Variants in TNNT1 observed in about 807,000 individuals in gnomAD.
The protein encoded by TNNT1 is troponin T1, slow skeletal type.
TNNT1 carries 53 observed loss-of-function variants against 50.6 expected under a neutral mutation model. That is an observed-to-expected ratio of 1.05 (90% CI 0.84 to 1.32). The LOEUF (loss-of-function observed/expected upper bound fraction) is 1.32. Among genes scored for constraint, TNNT1 ranks in the 40% most tolerant of loss-of-function variants. The pLI is 0.00. For missense variants in TNNT1, 348 were observed against 381.7 expected, an observed-to-expected ratio of 0.91 and a Z score of 0.74; for synonymous variants, 142 against 138.0, an observed-to-expected ratio of 1.03 and a Z score of -0.20.
intron 13 of TNNT1, 45 bp downstream of exon 13, chr19:55,133,842 G>C (rs374434556): frequency 3.7e-6 from 6 of 1,612,198 alleles, no homozygotes; most frequent in African/African-American, 1.3e-5. Flanking sequence ...GAGAGTCAGC[G>C]GGAGGGTAGG....
chr19:55,137,909 C>A, intron 10 of TNNT1, 52 bp downstream of exon 10: 1 of 1,609,888 alleles, frequency 6.2e-7, no homozygotes, highest in Non-Finnish European at 8.5e-7. Flanking sequence ...GTCTGGCCCC[C>A]AGCCCCTGCC....
At chr19:55,143,754 A>T (rs962974931) in intron 6 of TNNT1, among the ~76,000 whole-genome samples, 36 of 151,644 alleles carry the variant, frequency 2.4e-4, no homozygotes, top group Admixed American at 2.2e-3. Flanking sequence ...CATCAATGCC[A>T]TTCACTCCAA....
chr19:55,133,067 C>T, intron 13 of TNNT1, 107 bp from the exon 14 acceptor site: 1 of 1,035,858 alleles, frequency 9.7e-7, no homozygotes, highest in Non-Finnish European at 1.5e-6. Context: ...TTAGCCCTCC[C>T]TGCCCAGAGG....
intron 3 of TNNT1, 49 bp from the exon 4 acceptor site, chr19:55,146,756 TG>T (rs1457802265): frequency 6.4e-6 from 9 of 1,412,304 alleles, no homozygotes; most frequent in Admixed American, 2.7e-5. Context: ...GGGGGAGGGA[TG>T]GGGGCGGTGG....
In TNNT1 at chr19:55,145,547, G is replaced by C. The variant is rs146337437; in HGVS notation, c.125C>G (p.Pro42Arg). 3.1e-6 allele frequency: 5 copies of C among 1,613,310 alleles called. No individual in the cohort carries two copies. The African/African-American group carries it at 6.7e-5, about 22-fold the overall frequency. ...CCCCCACCCTGTAGGATCTCACCTT[G>C]GTTTGGGGCGTTCCTCTTCTGTTGG... is the stretch of plus-strand genomic sequence containing the variant. The part of the protein sequence containing the change: ...VAEPEEERPK[P>R]SRPVVPPLIP... Residue 42 changes from proline to arginine, a missense_variant, in exon 6 of 14, where the codon CCA (proline) becomes CGA (arginine). Transcript: ENST00000588981.
Position 55,137,104 on chromosome 19 carries a change from G to A in TNNT1, c.610C>T (p.Arg204Trp), listed in dbSNP as rs139208059. 18 of 766,814 alleles carry A rather than the reference G, an allele frequency of 2.3e-5. No individual in the cohort carries two copies. The highest frequency in any genetic ancestry group is 1.6e-4 in the South Asian group (11 of 69,014). 47.5% of individuals were successfully genotyped at this position (766,814 alleles called of 1,614,324 possible). ...DIDYMGEEQLRARSAWLPPSQ... is the reference protein window; with the variant it reads ...DIDYMGEEQLWARSAWLPPSQ... ...CCCCGAGCCCCCCACAGCACCTACC[G>A]GAGCTGTTCCTCCCCCATGTAGTCA... The change falls in exon 11 of 14, where the codon CGG becomes TGG. Residue 204 changes from arginine (R) to tryptophan (W), a missense_variant and splice_region_variant. Arg to Trp is a moderately radical substitution (Grantham distance 101, BLOSUM62 -3). Transcript: ENST00000588981.
chr19:55,139,511 C>T (rs1290003253), intron 9 of TNNT1, among the ~76,000 whole-genome samples: 2 of 152,146 alleles, frequency 1.3e-5, no homozygotes, highest in Non-Finnish European at 2.9e-5. Flanking sequence ...GGCCCATGGA[C>T]CTTCTTTCAT....
At chr19:55,146,343 A>G in intron 5 of TNNT1, 91 bp downstream of exon 5, 2 of 862,732 alleles carry the variant, frequency 2.3e-6, no homozygotes, top group South Asian at 3.0e-5. Flanking sequence ...GGAGGGAGGG[A>G]AGGGTGGTCT....
At position 55,141,923 on chromosome 19, in the gene TNNT1, G is replaced by A. The variant is rs113010159; in HGVS notation, c.129-3C>T. The stretch of plus-strand genomic sequence containing the variant: ...TCAAAGGAGGCACCACGGGGCGGCT[G>A]AGTGGACAGAAACACAGAGACCATG... On this transcript the variant is annotated splice_polypyrimidine_tract_variant and splice_region_variant and intron_variant, in intron 6 of 13. Transcript: ENST00000588981. 11 of 1,613,886 alleles carry A rather than the reference G, an allele frequency of 6.8e-6. No individual in the cohort carries two copies. Among genetic ancestry groups the A allele is most frequent in the African/African-American group, 1.3e-5 (1 of 74,902 alleles).
intron 8 of TNNT1, 106 bp from the exon 9 acceptor site, chr19:55,141,066 T>C: frequency 6.6e-7 from 1 of 1,509,358 alleles, no homozygotes; most frequent in Non-Finnish European, 9.2e-7. Context: ...CTTGGGTGAA[T>C]TCGCGAAAGC....
Position 55,138,047 on chromosome 19 carries a change from C to A in TNNT1, c.415G>T (p.Glu139Ter), listed in dbSNP as rs1250741190. The change falls in exon 10 of 14, where the codon GAG (glutamate) becomes TAG (stop). Residue 139 changes from glutamate (E) to a stop codon, truncating the protein, a stop_gained. Transcript: ENST00000588981. LOFTEE classifies it high-confidence loss of function. ...AEEKMRKEEEEAKKRAEDDAK... is the reference protein window; with the variant it reads ...AEEKMRKEEE The stretch of plus-strand genomic sequence containing the variant: ...TCATCCTCTGCCCGCTTCTTGGCCT[C>A]TTCCTCTTCCTTCCTCATCTTCTCC... 6.2e-7 allele frequency: 1 copy of A among 1,614,200 alleles called. No homozygotes were observed. Among genetic ancestry groups the A allele is most frequent in the South Asian group, 1.1e-5 (1 of 91,086 alleles).
intron 13 of TNNT1, chr19:55,133,437 T>C (rs897592693): frequency 6.8e-6 from 2 of 294,004 alleles, no homozygotes; most frequent in Non-Finnish European, 1.3e-5. Context: ...CCCAGCACTT[T>C]AGGAGGCCAA....
In TNNT1 at chr19:55,133,146, A is replaced by G. The variant is rs182737375; in HGVS notation, c.792-186T>C. ...CTGGGGGGCAGCGGCTGGTGGTCAA[A>G]GCCTCGCTGACATGTGGGAGCTGAT... On this transcript the variant is annotated intron_variant, in intron 13 of 13. Transcript: ENST00000588981. Among the ~76,000 whole-genome samples, 681 of 152,030 alleles carry G rather than the reference A, an allele frequency of 4.5e-3. 6 individuals are homozygous for G. Among genetic ancestry groups the G allele is most frequent in the Non-Finnish European group, 7.6e-3 (515 of 67,992 alleles).
At chr19:55,135,359 C>T (rs2085328425) in intron 11 of TNNT1, among the ~76,000 whole-genome samples, 1 of 151,728 alleles carries the variant, frequency 6.6e-6, no homozygotes, top group African/African-American at 2.4e-5. Flanking sequence ...CCATACCAGC[C>T]CTGGACTAAA....
intron 1 of TNNT1, among the ~76,000 whole-genome samples, chr19:55,148,343 C>A (rs570728189): frequency 2.0e-5 from 3 of 151,944 alleles, no homozygotes; most frequent in Non-Finnish European, 4.4e-5. Context: ...CCATACATCA[C>A]GTAGGGGGCA....
chr19:55,142,680 T>A (rs1260722450), intron 6 of TNNT1, among the ~76,000 whole-genome samples: 4 of 151,694 alleles, frequency 2.6e-5, no homozygotes, highest in Non-Finnish European at 5.9e-5. Flanking sequence ...CCCGAGTAGT[T>A]GGGATTACAG....
At chr19:55,136,231 C>G (rs1008160780) in intron 11 of TNNT1, among the ~76,000 whole-genome samples, 1 of 152,106 alleles carries the variant, frequency 6.6e-6, no homozygotes, top group Non-Finnish European at 1.5e-5. Context: ...GGGTTGTAAA[C>G]CCTCCACAGG....
chr19:55,145,947 C>G (rs1353112777), intron 5 of TNNT1, among the ~76,000 whole-genome samples: 1 of 151,782 alleles, frequency 6.6e-6, no homozygotes, highest in East Asian at 1.9e-4. Flanking sequence ...TTCAGTGACC[C>G]CAGCGCTCTC....
intron 1 of TNNT1, 41 bp downstream of exon 1, chr19:55,149,120 C>T (rs1175000375): frequency 4.4e-6 from 2 of 456,074 alleles, no homozygotes; most frequent in East Asian, 6.9e-5. Context: ...CCCCCAAGGA[C>T]ATGGTTTTTG....
Sources: allele counts gnomAD v4.1 joint callset (sites outside exome capture counted in the v4.1 genomes callset), GRCh38; gene constraint gnomAD v4.1.1; transcripts MANE v1.5; gene names NCBI Gene and HGNC (gene_info 2026-07-23, HGNC 2026-07-21).